PIK3R1: variants seen among roughly 807,000 people sequenced by gnomAD.
The protein encoded by PIK3R1 is phosphoinositide-3-kinase regulatory subunit 1.
Under a neutral mutation model 98.0 loss-of-function variants are expected in PIK3R1, and 29 were observed. The ratio of observed to expected loss-of-function variants is 0.30; its 90% CI spans 0.22 to 0.40. The LOEUF (loss-of-function observed/expected upper bound fraction) is 0.40, where lower values mean the gene tolerates loss of function less well. PIK3R1 is among the 10% of genes least tolerant of loss of function. The pLI is 1.00. For synonymous variants in PIK3R1, 282 were observed against 311.8 expected (o/e 0.90, Z 1.01); for missense variants, 596 against 872.7 (o/e 0.68, Z 3.99).
intron 7 of PIK3R1, among the ~76,000 whole-genome samples, chr5:68,289,759 CAAA>C (rs71305021): frequency 0.11 from 5,770 of 51,564 alleles, 64 homozygotes; most frequent in East Asian, 0.26. Context: ...GGGGGAAAAG[CAAA>C]AAAAAAAAAA....
intron 12 of PIK3R1, among the ~76,000 whole-genome samples, chr5:68,294,896 C>CACATGTATACATAT (rs1022741063): frequency 7.9e-5 from 12 of 150,986 alleles, no homozygotes; most frequent in African/African-American, 2.7e-4. Context: ...ACCAGCATGG[C>CACATGTATACATAT]ACATGTATAC....
chr5:68,226,731 A>G lies in PIK3R1; in HGVS notation c.56A>G (p.Glu19Gly). 1 of 1,614,130 alleles carries G rather than the reference A, an allele frequency of 6.2e-7. No homozygotes were observed. The highest frequency in any genetic ancestry group is 8.5e-7 in the Non-Finnish European group (1 of 1,180,000). Residue 19 changes from glutamate to glycine, a missense_variant, in exon 2 of 16, where the codon GAA becomes GGA. Transcript: ENST00000521381. ...CTGTATGATTATAAAAAGGAAAGAG[A>G]AGAAGATATTGACTTGCACTTGGGT... ...RALYDYKKEREEDIDLHLGDI... is the reference protein window; with the variant it reads ...RALYDYKKERGEDIDLHLGDI...
chr5:68,278,266 G>C (rs1276668068), intron 4 of PIK3R1, among the ~76,000 whole-genome samples: 2 of 152,032 alleles, frequency 1.3e-5, no homozygotes, highest in African/African-American at 2.4e-5. Flanking sequence ...GAGATTGTCT[G>C]ATATCCACAG....
intron 7 of PIK3R1, chr5:68,288,596 C>CG: frequency 6.5e-7 from 1 of 1,543,452 alleles, no homozygotes; most frequent in Non-Finnish European, 8.7e-7. Context: ...CGCGCACTCT[C>CG]GGCGCCGGAC....
intron 2 of PIK3R1, among the ~76,000 whole-genome samples, chr5:68,265,349 G>C (rs1746079063): frequency 6.6e-6 from 1 of 152,126 alleles, no homozygotes; most frequent in African/African-American, 2.4e-5. Context: ...TTTGGGTGTA[G>C]TGTACTGATG....
chr5:68,238,158 C>T (rs148622355), intron 2 of PIK3R1, among the ~76,000 whole-genome samples: 57 of 152,220 alleles, frequency 3.7e-4, no homozygotes, highest in African/African-American at 1.3e-3. Flanking sequence ...AGGCGGTGAA[C>T]GCAGGAGATT....
chr5:68,234,036 A>G (rs1037388903), intron 2 of PIK3R1, among the ~76,000 whole-genome samples: 2 of 152,242 alleles, frequency 1.3e-5, no homozygotes, highest in African/African-American at 4.8e-5. Context: ...GTATTGCAGG[A>G]GACGTAATTT....
At chr5:68,219,247 G>A (rs1285529190) in intron 1 of PIK3R1, among the ~76,000 whole-genome samples, 1 of 152,174 alleles carries the variant, frequency 6.6e-6, no homozygotes, top group Non-Finnish European at 1.5e-5. Context: ...TATTCTGCTA[G>A]CATTGTTTTC....
chr5:68,291,154 T>G (rs1214140423), intron 7 of PIK3R1: 2 of 239,898 alleles, frequency 8.3e-6, no homozygotes, highest in African/African-American at 4.6e-5. Flanking sequence ...GTAATTAAAA[T>G]GATGCATCTT....
intron 2 of PIK3R1, among the ~76,000 whole-genome samples, chr5:68,247,461 G>T (rs994100400): frequency 6.6e-6 from 1 of 151,788 alleles, no homozygotes; most frequent in African/African-American, 2.4e-5. Context: ...ACCATGCCTG[G>T]CTAATTTTTC....
At chr5:68,278,096 C>T (rs1043440613) in intron 4 of PIK3R1, among the ~76,000 whole-genome samples, 1 of 152,012 alleles carries the variant, frequency 6.6e-6, no homozygotes, top group Non-Finnish European at 1.5e-5. Context: ...TCCCTTTCTT[C>T]TGCTGGGCAT....
chr5:68,282,428 G>C (rs748062164), intron 7 of PIK3R1, among the ~76,000 whole-genome samples: 113 of 152,144 alleles, frequency 7.4e-4, no homozygotes, highest in Admixed American at 4.5e-3. Context: ...GGGTAGTCCT[G>C]ATCTTTTCAG....
intron 7 of PIK3R1, chr5:68,291,158 G>A: frequency 4.3e-6 from 1 of 234,692 alleles, no homozygotes; most frequent in Non-Finnish European, 8.3e-6. Context: ...TTAAAATGAT[G>A]CATCTTTTGT....
intron 6 of PIK3R1, 35 bp from the exon 7 acceptor site, chr5:68,280,892 G>T (rs1177909441): frequency 1.4e-6 from 2 of 1,462,026 alleles, no homozygotes; most frequent in Non-Finnish European, 1.9e-6. Flanking sequence ...TTTGCTTTTA[G>T]GGAAAAGGTT....
At chr5:68,275,071 G>A (rs964710105) in intron 4 of PIK3R1, among the ~76,000 whole-genome samples, 1 of 152,176 alleles carries the variant, frequency 6.6e-6, no homozygotes, top group African/African-American at 2.4e-5. Flanking sequence ...GAGAAAAGGA[G>A]GAGACTAGAC....
At chr5:68,260,304 C>T (rs1330424438) in intron 2 of PIK3R1, among the ~76,000 whole-genome samples, 1 of 152,070 alleles carries the variant, frequency 6.6e-6, no homozygotes, top group African/African-American at 2.4e-5. Flanking sequence ...TCATGACTTC[C>T]AATTAAGCCC....
intron 2 of PIK3R1, among the ~76,000 whole-genome samples, chr5:68,227,260 A>G (rs1039062928): frequency 1.3e-5 from 2 of 152,226 alleles, no homozygotes; most frequent in East Asian, 3.8e-4. Flanking sequence ...GTTGAACACT[A>G]TTATTATAGT....
chr5:68,220,084 A>T (rs984272808), intron 1 of PIK3R1, among the ~76,000 whole-genome samples: 2 of 152,114 alleles, frequency 1.3e-5, no homozygotes, highest in African/African-American at 4.8e-5. Context: ...GAAGTGCTTT[A>T]TGTATGTCAT....
At chr5:68,223,123 A>AATC (rs60144880) in intron 1 of PIK3R1, among the ~76,000 whole-genome samples, 12,666 of 147,930 alleles carry the variant, frequency 0.086, 571 homozygotes, top group South Asian at 0.13. Flanking sequence ...GTACAAACTC[A>AATC]ATCATCATCA....
Sources: allele counts gnomAD v4.1 joint callset (sites outside exome capture counted in the v4.1 genomes callset), GRCh38; gene constraint gnomAD v4.1.1; transcripts MANE v1.5; gene names NCBI Gene and HGNC (gene_info 2026-07-23, HGNC 2026-07-21).